The following CD96 variants were observed in gnomAD, a reference collection of about 807,000 sequenced individuals.
CD96 encodes CD96 molecule.
Under a neutral mutation model 71.3 loss-of-function variants are expected in CD96, and 70 were observed. That is an observed-to-expected ratio of 0.98 (90% CI 0.81 to 1.20). The LOEUF is 1.20. Ranked by LOEUF, CD96 falls within the 50% of genes most tolerant of loss-of-function variation. The pLI, the probability that CD96 is intolerant of heterozygous loss-of-function variation, is 0.00. For synonymous variants in CD96, 248 were observed against 233.0 expected (o/e 1.06, Z -0.59); for missense variants, 742 against 677.5 (o/e 1.10, Z -1.06).
chr3:111,664,180 T>C (rs1940425791), intron 14 of CD96, among the ~76,000 whole-genome samples: 1 of 96,638 alleles, frequency 1.0e-5, no homozygotes, highest in Admixed American at 1.2e-4. Flanking sequence ...CAAAGGAAAA[T>C]AAATTATACT....
At chr3:111,602,639 T>C (rs1937522416) in intron 7 of CD96, among the ~76,000 whole-genome samples, 1 of 152,180 alleles carries the variant, frequency 6.6e-6, no homozygotes, top group African/African-American at 2.4e-5. Context: ...TCCCTATTGT[T>C]GCAAGCTCTT....
At chr3:111,566,897 G>A (rs1379557655) in intron 2 of CD96, among the ~76,000 whole-genome samples, 2 of 152,162 alleles carry the variant, frequency 1.3e-5, no homozygotes, top group Non-Finnish European at 2.9e-5. Flanking sequence ...TACTATAACT[G>A]TGGACACATG....
chr3:111,543,190 C>T (rs1032578876), intron 1 of CD96, among the ~76,000 whole-genome samples: 2 of 152,198 alleles, frequency 1.3e-5, no homozygotes, highest in Non-Finnish European at 2.9e-5. Flanking sequence ...TGTTTCTTCT[C>T]AGTTGCTTGT....
chr3:111,660,963 C>A (rs2107817183), intron 14 of CD96, among the ~76,000 whole-genome samples: 1 of 152,270 alleles, frequency 6.6e-6, no homozygotes, highest in East Asian at 1.9e-4. Flanking sequence ...TTCTACTAGT[C>A]CATTCTCACA....
At chr3:111,626,100 A>C (rs1013482849) in intron 10 of CD96, among the ~76,000 whole-genome samples, 1 of 151,952 alleles carries the variant, frequency 6.6e-6, no homozygotes, top group Non-Finnish European at 1.5e-5. Flanking sequence ...TCAGGAGATC[A>C]AGACCATCCT....
At chr3:111,619,704 C>A (rs1403049972) in intron 8 of CD96, among the ~76,000 whole-genome samples, 1 of 152,108 alleles carries the variant, frequency 6.6e-6, no homozygotes, top group Non-Finnish European at 1.5e-5. Context: ...ATGAATCTTT[C>A]AAAAACATGG....
chr3:111,600,957 C>A (rs757366823), intron 7 of CD96, 43 bp downstream of exon 7: 42 of 1,248,636 alleles, frequency 3.4e-5, no homozygotes, highest in Non-Finnish European at 4.9e-5. Flanking sequence ...TTTGCTAAGA[C>A]TGCCATAAAT....
chr3:111,574,389 T>C (rs1936128536), intron 3 of CD96, among the ~76,000 whole-genome samples: 1 of 152,208 alleles, frequency 6.6e-6, no homozygotes, highest in Admixed American at 6.5e-5. Flanking sequence ...ACTGGCATAA[T>C]GTAAATAGTC....
intron 8 of CD96, 51 bp downstream of exon 8, chr3:111,606,843 C>G (rs374074034): frequency 1.8e-6 from 2 of 1,094,390 alleles, no homozygotes; most frequent in South Asian, 2.5e-5. Flanking sequence ...AGATTGATAA[C>G]GATAAAATTT....
At chr3:111,549,766 T>C (rs1005012638) in intron 2 of CD96, among the ~76,000 whole-genome samples, 1 of 152,176 alleles carries the variant, frequency 6.6e-6, no homozygotes, top group East Asian at 1.9e-4. Flanking sequence ...TAGGGGAACA[T>C]TGTATTAGGG....
At chr3:111,615,070 G>T (rs115257146) in intron 8 of CD96, among the ~76,000 whole-genome samples, 33 of 152,330 alleles carry the variant, frequency 2.2e-4, no homozygotes, top group Non-Finnish European at 3.5e-4. Context: ...TGCTTTCAAC[G>T]TGAGGTGGCT....
At chr3:111,600,625 G>T in intron 6 of CD96, 101 bp from the exon 7 acceptor site, 1 of 889,474 alleles carries the variant, frequency 1.1e-6, no homozygotes, top group Non-Finnish European at 1.9e-6. Context: ...GACCACTTTA[G>T]ACTCTACATT....
chr3:111,600,513 T>C lies in CD96; in HGVS notation c.899-213T>C, dbSNP rs1576372817. 5.9e-5 allele frequency among the ~76,000 whole-genome samples: 9 copies of C among 152,334 alleles called. No individual in the cohort carries two copies. In the South Asian group the frequency reaches 1.9e-3, roughly 32 times the overall value. ...CAACACTATTAGTCAACATATTTTATACCCTGACCATGGATCAATGACATG... is the reference window on the plus strand; with the variant it reads ...CAACACTATTAGTCAACATATTTTACACCCTGACCATGGATCAATGACATG... On this transcript the variant is annotated intron_variant, in intron 6 of 13. Transcript: ENST00000352690.
chr3:111,631,235 T>C (rs550904755), intron 10 of CD96, among the ~76,000 whole-genome samples: 1 of 152,308 alleles, frequency 6.6e-6, no homozygotes, highest in East Asian at 1.9e-4. Context: ...CATGATTCTA[T>C]ATCTAGAAAA....
chr3:111,558,814 TC>T (rs1309249758), intron 2 of CD96, among the ~76,000 whole-genome samples: 4 of 146,936 alleles, frequency 2.7e-5, no homozygotes, highest in Admixed American at 2.7e-4. Flanking sequence ...CTGGTAGAAT[TC>T]GGCTGTGAAT....
In CD96 at chr3:111,588,954, C is replaced by CT. The variant is rs772858162; in HGVS notation, c.807+3591dup. Among the ~76,000 whole-genome samples, 981 of 136,134 alleles carry CT rather than the reference C, an allele frequency of 7.2e-3. 17 individuals carry two copies. Among genetic ancestry groups the CT allele is most frequent in the East Asian group, 0.038 (180 of 4,746 alleles). 89.3% of individuals were successfully genotyped at this position (136,134 alleles called of 152,430 possible). A position where few individuals can be genotyped will look rare whatever the true frequency, so the allele number is the denominator to read the frequency against. On this transcript the variant is annotated intron_variant, in intron 5 of 13. Transcript: ENST00000352690. ...TAGGTGTTTTTGTTTCTTTTTTTTT[C>CT]TTTTTTTTTTTTTTTGAGATGAGTC...
intron 10 of CD96, among the ~76,000 whole-genome samples, chr3:111,627,102 A>C (rs962060019): frequency 6.6e-6 from 1 of 152,234 alleles, no homozygotes; most frequent in Admixed American, 6.5e-5. Context: ...GAGATAACTC[A>C]ATGAAATACT....
At chr3:111,600,244 C>T (rs1455536004) in intron 6 of CD96, among the ~76,000 whole-genome samples, 1 of 152,214 alleles carries the variant, frequency 6.6e-6, no homozygotes, top group Non-Finnish European at 1.5e-5. Flanking sequence ...TCAGAGACTA[C>T]TGATATATAC....
At chr3:111,623,907 T>C (rs1938623933) in intron 9 of CD96, 85 bp downstream of exon 9, 1 of 890,642 alleles carries the variant, frequency 1.1e-6, no homozygotes, top group African/African-American at 1.6e-5. Flanking sequence ...TGTTGACGTT[T>C]CAGCAAACAG....
Sources: gnomAD v4.1 joint callset for allele counts (sites outside exome capture counted in the v4.1 genomes callset) on GRCh38, gnomAD v4.1.1 for gene constraint, MANE v1.5 for transcripts, NCBI Gene and HGNC (gene_info 2026-07-23, HGNC 2026-07-21) for gene names.